The following TAFA1 variants were observed in gnomAD, a reference collection of about 807,000 sequenced individuals.
TAFA1 encodes TAFA chemokine like family member 1, also known as chemokine-like protein TAFA-1.
TAFA1 carries 4 observed loss-of-function variants against 18.5 expected under a neutral mutation model. The observed-to-expected ratio is 0.22, with a 90% CI of 0.11 to 0.49. TAFA1 has a LOEUF of 0.49. Ranked by LOEUF, TAFA1 falls within the 20% of genes least tolerant of loss-of-function variation. TAFA1 has a pLI of 0.98. For synonymous variants in TAFA1, 56 were observed against 55.2 expected (o/e 1.01, Z -0.06); for missense variants, 147 against 169.0 (o/e 0.87, Z 0.72).
intron 2 of TAFA1, among the ~76,000 whole-genome samples, chr3:68,379,363 G>T (rs1201633944): frequency 1.3e-5 from 2 of 152,110 alleles, no homozygotes; most frequent in African/African-American, 2.4e-5. Context: ...TTGTAAATTT[G>T]TTTAAGTTCC....
chr3:68,333,093 A>T (rs116009035), intron 2 of TAFA1, among the ~76,000 whole-genome samples: 1,555 of 152,326 alleles, frequency 0.01, 31 homozygotes, highest in African/African-American at 0.036. Context: ...AAGCAGTTTG[A>T]CAATTTCTGA....
intron 2 of TAFA1, among the ~76,000 whole-genome samples, chr3:68,074,740 T>C (rs962999992): frequency 1.3e-5 from 2 of 152,208 alleles, no homozygotes; most frequent in Non-Finnish European, 2.9e-5. Flanking sequence ...TCTATCTGAC[T>C]CTTGAGCTTG....
chr3:68,514,221 A>T (rs2072889400), intron 3 of TAFA1, among the ~76,000 whole-genome samples: 2 of 152,174 alleles, frequency 1.3e-5, no homozygotes, highest in Non-Finnish European at 2.9e-5. Flanking sequence ...ACATCAGTCC[A>T]TTGCAGAAGT....
At chr3:68,490,469 T>C (rs2072430606) in intron 3 of TAFA1, among the ~76,000 whole-genome samples, 1 of 152,170 alleles carries the variant, frequency 6.6e-6, no homozygotes. Context: ...CATATAACAT[T>C]TCCCCATTTT....
intron 3 of TAFA1, among the ~76,000 whole-genome samples, chr3:68,536,239 G>A (rs1045326277): frequency 2.0e-5 from 3 of 152,188 alleles, no homozygotes; most frequent in African/African-American, 7.2e-5. Flanking sequence ...ATGTCTGGAT[G>A]GTTAAACCAT....
At chr3:68,370,210 C>A (rs1481210845) in intron 2 of TAFA1, among the ~76,000 whole-genome samples, 3 of 129,250 alleles carry the variant, frequency 2.3e-5, no homozygotes, top group Middle Eastern at 4.7e-3. Context: ...ATGGCATGAA[C>A]CCGGGAGGCG....
At chr3:68,376,563 A>T (rs1293854203) in intron 2 of TAFA1, among the ~76,000 whole-genome samples, 2 of 152,104 alleles carry the variant, frequency 1.3e-5, no homozygotes, top group Non-Finnish European at 2.9e-5. Flanking sequence ...AACTCCATCC[A>T]TGTCGCTACA....
At chr3:68,218,172 C>A (rs957179381) in intron 2 of TAFA1, among the ~76,000 whole-genome samples, 6 of 152,078 alleles carry the variant, frequency 3.9e-5, no homozygotes, top group Non-Finnish European at 7.4e-5. Context: ...GTCACAGTTA[C>A]AGAAATTCGA....
chr3:68,487,462 T>G (rs1263870019), intron 3 of TAFA1, among the ~76,000 whole-genome samples: 1 of 152,158 alleles, frequency 6.6e-6, no homozygotes, highest in African/African-American at 2.4e-5. Context: ...TTTCTATGAC[T>G]GTTGGCCAGG....
chr3:68,024,975 G>C (rs905816640), intron 2 of TAFA1, among the ~76,000 whole-genome samples: 1 of 152,140 alleles, frequency 6.6e-6, no homozygotes, highest in African/African-American at 2.4e-5. Context: ...TTGATTCACT[G>C]GTTGGATTTT....
At chr3:68,350,829 C>G (rs1250130348) in intron 2 of TAFA1, among the ~76,000 whole-genome samples, 1 of 152,088 alleles carries the variant, frequency 6.6e-6, no homozygotes, top group African/African-American at 2.4e-5. Flanking sequence ...CTTAACTGGT[C>G]TGGTCTCTAT....
chr3:68,292,081 C>A (rs772743612), intron 2 of TAFA1, among the ~76,000 whole-genome samples: 21 of 152,130 alleles, frequency 1.4e-4, no homozygotes, highest in Non-Finnish European at 1.9e-4. Context: ...CCCCTCCTAG[C>A]CAAAAATCAA....
intron 2 of TAFA1, among the ~76,000 whole-genome samples, chr3:68,298,905 T>G (rs774694831): frequency 6.6e-6 from 1 of 152,126 alleles, no homozygotes; most frequent in Admixed American, 6.6e-5. Flanking sequence ...ACCTAGGTAG[T>G]GGGGAAGTGC....
At chr3:68,192,177 A>G (rs765334130) in intron 2 of TAFA1, among the ~76,000 whole-genome samples, 1 of 151,816 alleles carries the variant, frequency 6.6e-6, no homozygotes, top group Non-Finnish European at 1.5e-5. Context: ...GCTGTAAGGG[A>G]CCGAGTGATA....
chr3:68,157,876 T>A (rs187705297), intron 2 of TAFA1, among the ~76,000 whole-genome samples: 1 of 152,314 alleles, frequency 6.6e-6, no homozygotes, highest in African/African-American at 2.4e-5. Context: ...ATTTGAGTTA[T>A]AATAATGAAA....
chr3:68,270,124 C>T (rs970945532), intron 2 of TAFA1, among the ~76,000 whole-genome samples: 5 of 152,124 alleles, frequency 3.3e-5, no homozygotes, highest in African/African-American at 9.7e-5. Flanking sequence ...TAGATTTTGA[C>T]GGAAGTAGAT....
At chr3:68,388,363 A>G (rs2070151091) in intron 2 of TAFA1, among the ~76,000 whole-genome samples, 1 of 152,190 alleles carries the variant, frequency 6.6e-6, no homozygotes, top group African/African-American at 2.4e-5. Flanking sequence ...GCACATTAGC[A>G]AATTTAGTAA....
At chr3:68,092,516 A>C (rs2065041401) in intron 2 of TAFA1, among the ~76,000 whole-genome samples, 1 of 152,178 alleles carries the variant, frequency 6.6e-6, no homozygotes. Flanking sequence ...GAGAGATTTC[A>C]ACTTTTCAAG....
rs996000201 is a variant in TAFA1, at chr3:68,130,347, G to A, written c.118+123603G>A. Among the ~76,000 whole-genome samples, 3 of 152,296 alleles carry A rather than the reference G, an allele frequency of 2.0e-5. No individual in the cohort carries two copies. The East Asian group carries it at 5.8e-4, about 29-fold the overall frequency. ...GGACATTTGGGGCAGTGGAGCCTTT[G>A]GGTAAAAGGCAAATGTGGTTCTTTC... On this transcript the variant is annotated intron_variant, in intron 2 of 4. Transcript: ENST00000478136.
Sources: gnomAD v4.1 joint callset for allele counts (sites outside exome capture counted in the v4.1 genomes callset) on GRCh38, gnomAD v4.1.1 for gene constraint, MANE v1.5 for transcripts, NCBI Gene and HGNC (gene_info 2026-07-23, HGNC 2026-07-21) for gene names.